The following LONP2 variants were observed in gnomAD, a reference collection of about 807,000 sequenced individuals.
LONP2 encodes lon protease homolog 2, peroxisomal.
A neutral mutation model predicts 85.6 loss-of-function variants in LONP2; 60 were observed. The ratio of observed to expected loss-of-function variants is 0.70; its 90% CI spans 0.57 to 0.87. LONP2 has a LOEUF of 0.87. Ranked by LOEUF, LONP2 falls within the 40% of genes least tolerant of loss-of-function variation. LONP2 has a pLI of 0.00. For synonymous variants in LONP2, 395 were observed against 389.7 expected (o/e 1.01, Z -0.16); for missense variants, 860 against 1,063.5 (o/e 0.81, Z 2.66).
At chr16:48,303,394 A>G (rs1372300796) in intron 11 of LONP2, 89 bp downstream of exon 11, 1 of 1,505,636 alleles carries the variant, frequency 6.6e-7, no homozygotes, top group Non-Finnish European at 9.2e-7. Context: ...GGTGTTGGGT[A>G]GTCCTTGGAG....
At chr16:48,271,172 T>C (rs574690200) in intron 7 of LONP2, among the ~76,000 whole-genome samples, 1 of 151,654 alleles carries the variant, frequency 6.6e-6, no homozygotes, top group Non-Finnish European at 1.5e-5. Flanking sequence ...AGAGACATTA[T>C]CTCAAACAAA....
downstream of LONP2, chr16:48,361,912 G>C (rs1178159370): frequency 6.2e-7 from 1 of 1,614,016 alleles, no homozygotes; most frequent in Non-Finnish European, 8.5e-7. Flanking sequence ...ACAGCACCAG[G>C]AAGATTAATG....
At chr16:48,267,269 G>T (rs1003611989) in intron 6 of LONP2, among the ~76,000 whole-genome samples, 2 of 152,168 alleles carry the variant, frequency 1.3e-5, no homozygotes, top group African/African-American at 2.4e-5. Context: ...CTAGATAATT[G>T]TGAGTGTGGT....
At chr16:48,325,447 G>A (rs1474117688) in intron 11 of LONP2, among the ~76,000 whole-genome samples, 6 of 152,144 alleles carry the variant, frequency 3.9e-5, no homozygotes, top group Non-Finnish European at 4.4e-5. Context: ...TGTAACCACT[G>A]TTCTACTCTC....
At chr16:48,251,850 C>G (rs892273363) in intron 1 of LONP2, among the ~76,000 whole-genome samples, 8 of 152,138 alleles carry the variant, frequency 5.3e-5, no homozygotes. Flanking sequence ...CTGCTTTTCT[C>G]TTACATTTTT....
At chr16:48,333,363 C>A (rs898003302) in intron 11 of LONP2, among the ~76,000 whole-genome samples, 1 of 152,132 alleles carries the variant, frequency 6.6e-6, no homozygotes, top group African/African-American at 2.4e-5. Context: ...GGATTTCAAA[C>A]CAGGCTTTGT....
rs1185282942 is a variant in LONP2 at position 48,270,061 on chromosome 16, A to G, written c.1028A>G (p.His343Arg). 7 of 1,614,034 alleles carry G rather than the reference A, an allele frequency of 4.3e-6. No homozygotes were observed. Among genetic ancestry groups the G allele is most frequent in the Non-Finnish European group, 5.1e-6 (6 of 1,179,948 alleles). Residue 343 changes from histidine to arginine, a missense_variant, in exon 7 of 15, where the codon CAT becomes CGT. By Grantham distance (29) the His-to-Arg change is conservative. This residue lies in a region of LONP2 where 743 missense variants were observed against 917.3 expected (regional missense o/e 0.81). Coordinates refer to ENST00000285737, the MANE Select transcript of LONP2 (RefSeq NM_031490.5). ...GCCCGGATTCTTCTGGATAATGACC[A>G]TTACGCCATGGAAAAATTGAAGAAA... ...RAARILLDND[H>R]YAMEKLKKRV...
At chr16:48,287,712 T>A (rs1972476684) in intron 8 of LONP2, among the ~76,000 whole-genome samples, 1 of 152,174 alleles carries the variant, frequency 6.6e-6, no homozygotes, top group Non-Finnish European at 1.5e-5. Flanking sequence ...AAGGGATGAG[T>A]GTAAAGCAAG....
chr16:48,334,807 C>T, intron 12 of LONP2: 1 of 553,206 alleles, frequency 1.8e-6, no homozygotes, highest in Non-Finnish European at 3.6e-6. Context: ...TGGGCTCGAC[C>T]TCAAGGGTGA....
At chr16:48,279,406 G>T (rs1210899940) in intron 8 of LONP2, among the ~76,000 whole-genome samples, 1 of 152,066 alleles carries the variant, frequency 6.6e-6, no homozygotes, top group East Asian at 1.9e-4. Flanking sequence ...AGGATGGTCA[G>T]ATTCCTCAGA....
chr16:48,264,954 TG>T (rs1387851960), intron 6 of LONP2, among the ~76,000 whole-genome samples: 1 of 152,246 alleles, frequency 6.6e-6, no homozygotes, highest in African/African-American at 2.4e-5. Flanking sequence ...ATGGTTTTTT[TG>T]TTTGTTTGTT....
intron 11 of LONP2, among the ~76,000 whole-genome samples, chr16:48,306,857 G>A (rs1457986511): frequency 6.6e-6 from 1 of 152,100 alleles, no homozygotes; most frequent in Non-Finnish European, 1.5e-5. Flanking sequence ...TAAGACAGTT[G>A]TTTTAGAAAC....
rs554213322 is a variant in LONP2 at position 48,293,301 on chromosome 16, G to A, written c.1384-2714G>A. Among the ~76,000 whole-genome samples, 262 of 152,160 alleles carry A rather than the reference G, an allele frequency of 1.7e-3. 2 individuals are homozygous for A. The highest frequency in any genetic ancestry group is 6.0e-3 in the African/African-American group (251 of 41,520). On this transcript the variant is annotated intron_variant, in intron 8 of 14. Transcript: ENST00000285737. ...AAAGTAGCCGTGCATGGTGGCGGGC[G>A]CCTGTAGTCCCAGCTACTCGGGAGG...
intron 7 of LONP2, among the ~76,000 whole-genome samples, chr16:48,272,831 T>C (rs1972132468): frequency 6.6e-6 from 1 of 152,142 alleles, no homozygotes; most frequent in South Asian, 2.1e-4. Context: ...GGTGAAAAAT[T>C]TTATTTCAAA....
intron 14 of LONP2, among the ~76,000 whole-genome samples, 183 bp downstream of exon 14, chr16:48,348,473 T>C (rs1960039874): frequency 6.7e-6 from 1 of 150,316 alleles, no homozygotes; most frequent in African/African-American, 2.5e-5. Flanking sequence ...AAACTGACAA[T>C]TTTTCACATT....
At chr16:48,269,087 AT>A (rs1444050283) in intron 6 of LONP2, among the ~76,000 whole-genome samples, 2 of 152,062 alleles carry the variant, frequency 1.3e-5, no homozygotes, top group Non-Finnish European at 2.9e-5. Context: ...GCTAAATCTT[AT>A]TAGTAAACCT....
intron 11 of LONP2, among the ~76,000 whole-genome samples, chr16:48,318,627 A>G (rs567934282): frequency 6.6e-6 from 1 of 152,220 alleles, no homozygotes; most frequent in Non-Finnish European, 1.5e-5. Flanking sequence ...ACCTTTAACT[A>G]TTGGCAAGAA....
At chr16:48,335,572 C>T (rs1596995888) in intron 12 of LONP2, among the ~76,000 whole-genome samples, 1 of 152,186 alleles carries the variant, frequency 6.6e-6, no homozygotes, top group Non-Finnish European at 1.5e-5. Context: ...GCTTTATCAT[C>T]ACCTCCTTAT....
At chr16:48,298,849 T>G (rs1028527306) in intron 9 of LONP2, among the ~76,000 whole-genome samples, 40 of 152,158 alleles carry the variant, frequency 2.6e-4, no homozygotes, top group African/African-American at 8.4e-4. Context: ...TTGTTTTGTT[T>G]GTGAAAACGT....
Sources: allele counts gnomAD v4.1 joint callset (sites outside exome capture counted in the v4.1 genomes callset), GRCh38; gene constraint gnomAD v4.1.1; regional missense constraint gnomAD v4.1.1; transcripts MANE v1.5; gene names NCBI Gene and HGNC (gene_info 2026-07-23, HGNC 2026-07-21).